ZNF608: variants seen among roughly 807,000 people sequenced by gnomAD.
ZNF608 encodes the protein renal carcinoma antigen NY-REN-36.
A neutral mutation model predicts 109.0 loss-of-function variants in ZNF608; 12 were observed. The observed-to-expected ratio is 0.11, with a 90% CI of 0.07 to 0.18. The LOEUF (loss-of-function observed/expected upper bound fraction) is 0.18, where lower values mean the gene tolerates loss of function less well. Among genes scored for constraint, ZNF608 ranks in the 10% least tolerant of loss-of-function variants. The probability of loss-of-function intolerance (pLI) is 1.00; values close to 1 mark genes in which losing one functional copy is unlikely to be tolerated. For missense variants in ZNF608, 1,707 were observed against 1,879.3 expected (o/e 0.91, Z 1.70); for synonymous variants, 732 against 717.4 (o/e 1.02, Z -0.33).
intron 2 of ZNF608, chr5:124,707,902 C>T (rs1753325757): frequency 1.3e-5 from 2 of 152,214 alleles, no homozygotes; most frequent in Non-Finnish European, 1.5e-5. Flanking sequence ...TCTGCCTTTT[C>T]GTAAATGTGA....
At chr5:124,707,483 C>T (rs1753308968) in intron 2 of ZNF608, among the ~76,000 whole-genome samples, 1 of 152,158 alleles carries the variant, frequency 6.6e-6, no homozygotes, top group Non-Finnish European at 1.5e-5. Flanking sequence ...CACCAACAAC[C>T]AGAGGGGGAA....
chr5:124,694,142 A>ATTTTTTTT (rs11320730), intron 3 of ZNF608, among the ~76,000 whole-genome samples: 1,185 of 63,864 alleles, frequency 0.019, 14 homozygotes, highest in South Asian at 0.037. Context: ...CGCTCGGCTA[A>ATTTTTTTT]TTTTTTTTTT....
chr5:124,729,651 A>G (rs1432350541), intron 2 of ZNF608, among the ~76,000 whole-genome samples: 2 of 152,216 alleles, frequency 1.3e-5, no homozygotes, highest in Admixed American at 6.5e-5. Flanking sequence ...ATATATATCT[A>G]TGTGTGTTTA....
chr5:124,726,336 C>A (rs1046237764), intron 2 of ZNF608, among the ~76,000 whole-genome samples: 4 of 152,132 alleles, frequency 2.6e-5, no homozygotes, highest in African/African-American at 4.8e-5. Flanking sequence ...GTGTCTCCAG[C>A]CCTGGCCTTC....
intron 3 of ZNF608, among the ~76,000 whole-genome samples, chr5:124,696,720 A>AGGTGC (rs1752862968): frequency 6.6e-6 from 1 of 152,192 alleles, no homozygotes; most frequent in Non-Finnish European, 1.5e-5. Flanking sequence ...CTGCCATAGC[A>AGGTGC]TCTTGATAGA....
At position 124,746,482 on chromosome 5, in the gene ZNF608, C is replaced by G; in HGVS notation, c.-471G>C. 1.0e-6 allele frequency: 1 copy of G among 984,220 alleles called. No homozygotes were observed. Among genetic ancestry groups the G allele is most frequent in the Non-Finnish European group, 1.2e-6 (1 of 829,586 alleles). 61.0% of individuals were successfully genotyped at this position (984,220 alleles called of 1,614,324 possible). A position where few individuals can be genotyped will look rare whatever the true frequency, so the allele number is the denominator to read the frequency against. ...ACAGAAGCACCAAAGGTTTTTTTTT[C>G]CTCTTAACAAGCATCGAGAATAATA... On this transcript the variant is annotated 5_prime_UTR_variant, in exon 1 of 10. Coordinates refer to ENST00000513986, the MANE Select transcript of ZNF608 (RefSeq NM_020747.3).
rs1749586422 is a variant in ZNF608, at chr5:124,745,008, A to G, written c.-19T>C. On this transcript the variant is annotated 5_prime_UTR_variant, in exon 2 of 10. Transcript: ENST00000513986. ...CTGACATCCTGAAGATGAGCTCTCTAGAATAAAAATCCGATGAACTTTTCT... is the reference window on the plus strand; with the variant it reads ...CTGACATCCTGAAGATGAGCTCTCTGGAATAAAAATCCGATGAACTTTTCT... 2 of 1,574,442 alleles carry G rather than the reference A, an allele frequency of 1.3e-6. No individual in the cohort carries two copies. Among genetic ancestry groups the G allele is most frequent in the Non-Finnish European group, 1.7e-6 (2 of 1,162,200 alleles).
chr5:124,648,933 T>A lies in ZNF608; in HGVS notation c.1451A>T (p.Asn484Ile), dbSNP rs778683422. 7.4e-6 allele frequency: 12 copies of A among 1,613,928 alleles called. No individual in the cohort carries two copies. In the South Asian group the frequency reaches 1.3e-4, roughly 18 times the overall value. The change falls in exon 5 of 10, where the codon AAT (asparagine) becomes ATT (isoleucine). Residue 484 changes from asparagine (N) to isoleucine (I), a missense_variant. This residue lies in a region of ZNF608 where 166 missense variants were observed against 204.2 expected (regional missense o/e 0.81). Coordinates refer to ENST00000513986, the MANE Select transcript of ZNF608 (RefSeq NM_020747.3). The stretch of plus-strand genomic sequence containing the variant: ...GGCTTTGATATCCTCAGCAGCACAA[T>A]TTGGGGGTGTCCTTCGTCCGCTGGC... ...LNASGRRTPP[N>I]CAAEDIKASP... is the part of the protein sequence containing the mutation.
chr5:124,729,992 C>T (rs1398078184), intron 2 of ZNF608, among the ~76,000 whole-genome samples: 1 of 152,226 alleles, frequency 6.6e-6, no homozygotes, highest in African/African-American at 2.4e-5. Flanking sequence ...CACCTCACTG[C>T]ACAGATTTGT....
chr5:124,702,884 G>C (rs1321288144), intron 2 of ZNF608, among the ~76,000 whole-genome samples: 1 of 152,120 alleles, frequency 6.6e-6, no homozygotes, highest in East Asian at 1.9e-4. Flanking sequence ...TGTAAATGTA[G>C]CTTAATGTGG....
At position 124,729,468 on chromosome 5, in the gene ZNF608, G is replaced by A. The variant is rs548295448; in HGVS notation, c.906+14616C>T. Among the ~76,000 whole-genome samples the A allele has an allele frequency of 3.3e-5, 5 of 152,252 alleles. No individual in the cohort carries two copies. The South Asian group carries it at 8.3e-4, about 25-fold the overall frequency. ...GGAGCGGAAACCTATTCTGAGCCCGGGAGAGGCTAAACACTCACATTTAGG... is the reference window on the plus strand; with the variant it reads ...GGAGCGGAAACCTATTCTGAGCCCGAGAGAGGCTAAACACTCACATTTAGG... On this transcript the variant is annotated intron_variant, in intron 2 of 9. Transcript: ENST00000513986.
chr5:124,654,633 G>A (rs1184582168), intron 3 of ZNF608, among the ~76,000 whole-genome samples: 1 of 152,150 alleles, frequency 6.6e-6, no homozygotes, highest in Non-Finnish European at 1.5e-5. Flanking sequence ...CCCTTTCTGA[G>A]CTCACAACTA....
At chr5:124,670,072 T>C (rs1029905365) in intron 3 of ZNF608, among the ~76,000 whole-genome samples, 1 of 152,166 alleles carries the variant, frequency 6.6e-6, no homozygotes, top group South Asian at 2.1e-4. Context: ...CTGAGTCCTA[T>C]GACAGGAGTA....
intron 3 of ZNF608, among the ~76,000 whole-genome samples, chr5:124,653,859 C>T (rs145059896): frequency 2.6e-5 from 4 of 152,274 alleles, no homozygotes; most frequent in East Asian, 1.9e-4. Flanking sequence ...GTTCCAAGGG[C>T]GCAATAGCTA....
rs1208172186 is a variant in ZNF608 at position 124,637,422 on chromosome 5, C to A, written c.*478G>T. On this transcript the variant is annotated 3_prime_UTR_variant, in exon 10 of 10. Transcript: ENST00000513986. ...CCAAAGTGTCATCATCACAGTTAGC[C>A]TTTCTGAGGGGCTTATGGGAAATAT... 6.6e-6 allele frequency: 1 copy of A among 152,576 alleles called. No homozygotes were observed. The highest frequency in any genetic ancestry group is 6.5e-5 in the Admixed American group (1 of 15,280). 9.5% of individuals were successfully genotyped at this position (152,576 alleles called of 1,614,324 possible). A position where few individuals can be genotyped will look rare whatever the true frequency, so the allele number is the denominator to read the frequency against.
intron 9 of ZNF608, among the ~76,000 whole-genome samples, chr5:124,638,252 C>T (rs1325439436): frequency 7.9e-6 from 1 of 126,772 alleles, no homozygotes; most frequent in African/African-American, 2.8e-5. Flanking sequence ...ACCCGGCCAA[C>T]AGTTTTTTTT....
chr5:124,725,173 T>G (rs183269095), intron 2 of ZNF608, among the ~76,000 whole-genome samples: 13 of 152,238 alleles, frequency 8.5e-5, no homozygotes, highest in Admixed American at 2.6e-4. Context: ...CTAACTGTAC[T>G]CAGGTCCCTA....
chr5:124,669,118 C>T (rs1751606838), intron 3 of ZNF608, among the ~76,000 whole-genome samples: 1 of 152,082 alleles, frequency 6.6e-6, no homozygotes, highest in African/African-American at 2.4e-5. Context: ...GCAGTAGTGA[C>T]TTTACTGCCT....
At position 124,745,023 on chromosome 5, in the gene ZNF608, T is replaced by A; in HGVS notation, c.-34A>T. Reference sequence around the variant, plus strand: ...TGAGCTCTCTAGAATAAAAATCCGATGAACTTTTCTTTGGAGATGAGGGGA... The same window carrying A: ...TGAGCTCTCTAGAATAAAAATCCGAAGAACTTTTCTTTGGAGATGAGGGGA... On this transcript the variant is annotated 5_prime_UTR_variant, in exon 2 of 10. Coordinates refer to ENST00000513986, the MANE Select transcript of ZNF608 (RefSeq NM_020747.3). 6.4e-7 allele frequency: 1 copy of A among 1,554,362 alleles called. No individual in the cohort carries two copies. The highest frequency in any genetic ancestry group is 1.3e-5 in the South Asian group (1 of 79,884).
Sources: gnomAD v4.1 joint callset for allele counts (sites outside exome capture counted in the v4.1 genomes callset) on GRCh38, gnomAD v4.1.1 for gene constraint, gnomAD v4.1.1 regional missense constraint, MANE v1.5 for transcripts, NCBI Gene and HGNC (gene_info 2026-07-23, HGNC 2026-07-21) for gene names.